The following PARD3B variants were observed in gnomAD, a reference collection of about 807,000 sequenced individuals.
PARD3B encodes partitioning defective 3 homolog B.
Under a neutral mutation model 130.2 loss-of-function variants are expected in PARD3B, and 103 were observed. The observed-to-expected ratio is 0.79, with a 90% CI of 0.67 to 0.93. The LOEUF is 0.93. Among genes scored for constraint, PARD3B ranks in the 40% least tolerant of loss-of-function variants. The pLI is 0.00. For missense variants in PARD3B, 1,609 were observed against 1,499.2 expected (o/e 1.07, Z -1.21); for synonymous variants, 583 against 553.2 (o/e 1.05, Z -0.76).
chr2:204,834,690 G>C (rs2125574945), intron 2 of PARD3B, among the ~76,000 whole-genome samples: 1 of 152,298 alleles, frequency 6.6e-6, no homozygotes, highest in South Asian at 2.1e-4. Flanking sequence ...ATAGACTGTA[G>C]CTGGCAAAAG....
chr2:205,102,991 C>T (rs543114976), intron 4 of PARD3B, among the ~76,000 whole-genome samples: 1 of 152,102 alleles, frequency 6.6e-6, no homozygotes, highest in East Asian at 1.9e-4. Context: ...TGGCATGAAT[C>T]AGGGAGGCGG....
chr2:205,177,239 A>G (rs181044226), intron 13 of PARD3B, among the ~76,000 whole-genome samples: 40 of 152,306 alleles, frequency 2.6e-4, no homozygotes, highest in Non-Finnish European at 5.0e-4. Flanking sequence ...TGAATTTTTT[A>G]TTACAAAAAC....
intron 11 of PARD3B, among the ~76,000 whole-genome samples, chr2:205,161,525 A>T (rs1198573507): frequency 2.6e-5 from 4 of 152,124 alleles, no homozygotes; most frequent in Non-Finnish European, 4.4e-5. Flanking sequence ...GGGGAAAAAA[A>T]AGTATTTTTC....
At position 205,473,719 on chromosome 2, in the gene PARD3B, C is replaced by T. The variant is rs898791593; in HGVS notation, c.3045-26177C>T. Among the ~76,000 whole-genome samples, 246 of 126,690 alleles carry T rather than the reference C, an allele frequency of 1.9e-3. 2 individuals are homozygous for T. Among genetic ancestry groups the T allele is most frequent in the African/African-American group, 6.9e-3 (219 of 31,536 alleles). 83.1% of individuals were successfully genotyped at this position (126,690 alleles called of 152,430 possible). A position where few individuals can be genotyped will look rare whatever the true frequency, so the allele number is the denominator to read the frequency against. On this transcript the variant is annotated intron_variant, in intron 20 of 22. Transcript: ENST00000406610. This position sits in a 1 kb window ranked among gnomAD's most constrained non-coding sequence, Gnocchi z 4.9. ...ATATATATATATATATACACACACA[C>T]GTATATAAAACCCTAAATATATATA...
Position 205,389,640 on chromosome 2 carries a change from G to C in PARD3B, c.2631-11373G>C, listed in dbSNP as rs61427530. 3.2e-3 allele frequency among the ~76,000 whole-genome samples: 481 copies of C among 152,270 alleles called. 5 individuals carry two copies. Among genetic ancestry groups the C allele is most frequent in the African/African-American group, 0.011 (449 of 41,542 alleles). ...ATTACAGGCATGAGCCACTGCGCCC[G>C]GCCTGTTATTTAAAATTCTCTTAAT... On this transcript the variant is annotated intron_variant, in intron 18 of 22. Transcript: ENST00000406610.
At chr2:205,447,988 A>G (rs1416910589) in intron 20 of PARD3B, among the ~76,000 whole-genome samples, 1 of 152,184 alleles carries the variant, frequency 6.6e-6, no homozygotes, top group African/African-American at 2.4e-5. Context: ...TGCTATGACC[A>G]CCTTCACTAA....
chr2:204,846,058 A>C (rs1055905118), intron 2 of PARD3B, among the ~76,000 whole-genome samples: 2 of 152,072 alleles, frequency 1.3e-5, no homozygotes, highest in Non-Finnish European at 2.9e-5. Context: ...CTATAAATCC[A>C]AATAGAAAAA....
intron 2 of PARD3B, among the ~76,000 whole-genome samples, chr2:204,724,064 A>G (rs533371596): frequency 2.0e-5 from 3 of 152,126 alleles, no homozygotes; most frequent in Non-Finnish European, 2.9e-5. Context: ...ATTATATTCT[A>G]TTCTTGGTCA....
At chr2:205,024,644 A>G (rs1450086417) in intron 3 of PARD3B, among the ~76,000 whole-genome samples, 1 of 152,218 alleles carries the variant, frequency 6.6e-6, no homozygotes, top group Non-Finnish European at 1.5e-5. Flanking sequence ...TGCTAGACCA[A>G]GGTTAGAAGA....
At chr2:205,474,331 T>C (rs2048952659) in intron 20 of PARD3B, among the ~76,000 whole-genome samples, 1 of 152,174 alleles carries the variant, frequency 6.6e-6, no homozygotes, top group African/African-American at 2.4e-5. Context: ...CCAGTGTTTC[T>C]TCTGGTTTTT....
At chr2:204,850,725 A>T (rs933254339) in intron 2 of PARD3B, among the ~76,000 whole-genome samples, 3 of 152,140 alleles carry the variant, frequency 2.0e-5, no homozygotes, top group Admixed American at 6.6e-5. Flanking sequence ...GCAGGCACTG[A>T]CCAAATGCTG....
At chr2:205,030,987 T>C (rs1260657764) in intron 3 of PARD3B, among the ~76,000 whole-genome samples, 1 of 152,172 alleles carries the variant, frequency 6.6e-6, no homozygotes, top group Non-Finnish European at 1.5e-5. Context: ...TTTTTCTCTT[T>C]GAAGACCATT....
At chr2:205,369,675 G>A (rs561775686) in intron 18 of PARD3B, among the ~76,000 whole-genome samples, 14 of 152,112 alleles carry the variant, frequency 9.2e-5, no homozygotes, top group Non-Finnish European at 1.9e-4. Context: ...GGCTTCTTCA[G>A]CTTACCACCT....
intron 2 of PARD3B, among the ~76,000 whole-genome samples, chr2:204,894,373 A>G (rs1352748202): frequency 6.6e-6 from 1 of 152,118 alleles, no homozygotes; most frequent in East Asian, 1.9e-4. Context: ...CCAGGGCTGG[A>G]ATATGTTAAA....
intron 15 of PARD3B, among the ~76,000 whole-genome samples, chr2:205,243,999 T>C (rs140835854): frequency 3.3e-5 from 5 of 152,286 alleles, no homozygotes; most frequent in African/African-American, 1.2e-4. Context: ...TTTTTAGGCC[T>C]GAGAAAAACA....
At chr2:204,737,555 C>G (rs2039812313) in intron 2 of PARD3B, among the ~76,000 whole-genome samples, 1 of 152,068 alleles carries the variant, frequency 6.6e-6, no homozygotes, top group Non-Finnish European at 1.5e-5. Context: ...CTTATTGTTT[C>G]TTTTGCTGTG....
chr2:205,496,897 T>G (rs2049946484), intron 20 of PARD3B, among the ~76,000 whole-genome samples: 1 of 152,014 alleles, frequency 6.6e-6, no homozygotes, highest in Admixed American at 6.6e-5. Context: ...ATAGATTATG[T>G]ATGCGATGTT....
chr2:205,374,796 T>G (rs919664698), intron 18 of PARD3B, among the ~76,000 whole-genome samples: 7 of 152,168 alleles, frequency 4.6e-5, no homozygotes, highest in African/African-American at 1.7e-4. Flanking sequence ...ATTAAGAGTG[T>G]AACCATAAAA....
Position 205,431,734 on chromosome 2 carries a change from C to G in PARD3B, c.2742-8636C>G, listed in dbSNP as rs150945957. 9.1e-3 allele frequency among the ~76,000 whole-genome samples: 1,383 copies of G among 152,086 alleles called. 22 individuals carry two copies. Among genetic ancestry groups the G allele is most frequent in the East Asian group, 0.059 (307 of 5,160 alleles). On this transcript the variant is annotated intron_variant, in intron 19 of 22. Coordinates refer to ENST00000406610, the MANE Select transcript of PARD3B (RefSeq NM_001302769.2). ...TCTGCCCACCTCGGCCTCCCAAAGT[C>G]CTGGGATTACAGACGTGAGCCACCG...
Sources: gnomAD v4.1 joint callset for allele counts (sites outside exome capture counted in the v4.1 genomes callset) on GRCh38, gnomAD v4.1.1 for gene constraint, Gnocchi (gnomAD v3.1) non-coding constraint, MANE v1.5 for transcripts, NCBI Gene and HGNC (gene_info 2026-07-23, HGNC 2026-07-21) for gene names.